Variants in PCTP observed in about 807,000 individuals in gnomAD.
The protein encoded by PCTP is phosphatidylcholine transfer protein, also known as START domain-containing protein 2.
PCTP carries 27 observed loss-of-function variants against 31.0 expected under a neutral mutation model. The ratio of observed to expected loss-of-function variants is 0.87; its 90% CI spans 0.64 to 1.20. The LOEUF (loss-of-function observed/expected upper bound fraction) is 1.20. Ranked by LOEUF, PCTP falls within the 50% of genes most tolerant of loss-of-function variation. The pLI is 0.00. For synonymous variants in PCTP, 108 were observed against 101.2 expected, an observed-to-expected ratio of 1.07 and a Z score of -0.40; for missense variants, 287 against 268.2, an observed-to-expected ratio of 1.07 and a Z score of -0.49.
intron 5 of PCTP, among the ~76,000 whole-genome samples, chr17:55,832,325 A>G (rs948174039): frequency 1.3e-5 from 2 of 152,184 alleles, no homozygotes; most frequent in African/African-American, 4.8e-5. Flanking sequence ...TATTTTTACT[A>G]TTTTAATGTC....
chr17:55,759,048 A>G (rs1027277381), intron 1 of PCTP, among the ~76,000 whole-genome samples: 1 of 152,210 alleles, frequency 6.6e-6, no homozygotes, highest in African/African-American at 2.4e-5. Context: ...GGAAGGGTAT[A>G]GGCATTCTGA....
rs1035616260 is a variant in PCTP at position 55,776,768 on chromosome 17, G to A, written c.*668G>A. ...TTGGAGAAGTATCAGAGGCCTGACC[G>A]GACACATAATATGACAACCACATTT... On this transcript the variant is annotated 3_prime_UTR_variant, in exon 6 of 6. Coordinates refer to ENST00000268896, the MANE Select transcript of PCTP (RefSeq NM_021213.4). 3.5e-6 allele frequency: 4 copies of A among 1,132,908 alleles called. No individual in the cohort carries two copies. The highest frequency in any genetic ancestry group is 4.3e-6 in the Non-Finnish European group (4 of 925,576). The allele number at this position is 1,132,908 out of a possible 1,614,324, so 70.2% of individuals were successfully genotyped here.
At chr17:55,793,436 C>T (rs1160640144) in intron 3 of PCTP, among the ~76,000 whole-genome samples, 1 of 152,104 alleles carries the variant, frequency 6.6e-6, no homozygotes, top group African/African-American at 2.4e-5. Context: ...ACTTAACACA[C>T]TCTTCAAATC....
chr17:55,784,598 A>G (rs964494919), intron 2 of PCTP, among the ~76,000 whole-genome samples: 1 of 152,226 alleles, frequency 6.6e-6, no homozygotes, highest in South Asian at 2.1e-4. Flanking sequence ...CCAGTAAAAT[A>G]AAATATTTTT....
intron 3 of PCTP, among the ~76,000 whole-genome samples, chr17:55,815,016 C>T (rs1448104927): frequency 6.6e-6 from 1 of 152,122 alleles, no homozygotes; most frequent in East Asian, 1.9e-4. Flanking sequence ...AGAAAAGAGG[C>T]CCACACTTAC....
chr17:55,825,032 G>A (rs148434345), downstream of PCTP, among the ~76,000 whole-genome samples: 674 of 152,272 alleles, frequency 4.4e-3, 8 homozygotes, highest in African/African-American at 0.015. Flanking sequence ...TGGCTCTTAC[G>A]TTAAGAAGAG....
At chr17:55,788,102 G>A (rs1056297054) in intron 3 of PCTP, among the ~76,000 whole-genome samples, 5 of 151,966 alleles carry the variant, frequency 3.3e-5, no homozygotes, top group African/African-American at 4.8e-5. Context: ...CCTCTCTTCC[G>A]AATTTTATAT....
rs12600460 is a variant in PCTP, at chr17:55,762,871, G to A, written c.142-4464G>A. Among the ~76,000 whole-genome samples the A allele has an allele frequency of 3.8e-3, 586 of 152,298 alleles. 30 individuals are homozygous for A. In the East Asian group the frequency reaches 0.1, roughly 27 times the overall value. On this transcript the variant is annotated intron_variant, in intron 1 of 5. Coordinates refer to ENST00000268896, the MANE Select transcript of PCTP (RefSeq NM_021213.4). ...GGTTCTCTTAATAAGGAGAAGGAGT[G>A]TTTACCACATCAAGTCTTATGTTTC...
downstream of PCTP, among the ~76,000 whole-genome samples, chr17:55,843,334 T>G (rs1906044719): frequency 6.6e-6 from 1 of 152,158 alleles, no homozygotes; most frequent in African/African-American, 2.4e-5. Flanking sequence ...GCCTCACACT[T>G]CTTTTAGGAT....
downstream of PCTP, among the ~76,000 whole-genome samples, chr17:55,781,596 A>G (rs1911565995): frequency 6.6e-6 from 1 of 152,194 alleles, no homozygotes; most frequent in Non-Finnish European, 1.5e-5. Flanking sequence ...AATTCATACC[A>G]CTAACTAAAA....
chr17:55,832,892 G>T (rs1194855754), intron 5 of PCTP, among the ~76,000 whole-genome samples: 1 of 152,174 alleles, frequency 6.6e-6, no homozygotes, highest in Non-Finnish European at 1.5e-5. Context: ...GCTCTAAATG[G>T]TTGCAAAAAC....
At chr17:55,837,006 C>T (rs540700250) in intron 5 of PCTP, among the ~76,000 whole-genome samples, 2 of 152,198 alleles carry the variant, frequency 1.3e-5, no homozygotes, top group South Asian at 4.2e-4. Context: ...GGAGGAGTAG[C>T]AGGACTAGTC....
At chr17:55,787,036 T>C (rs1033161136) in intron 2 of PCTP, among the ~76,000 whole-genome samples, 22 of 151,992 alleles carry the variant, frequency 1.4e-4, no homozygotes, top group Admixed American at 1.4e-3. Flanking sequence ...CATGTGTGTG[T>C]GTGTGTGTGT....
At chr17:55,842,065 C>T (rs1906001106) in intron 5 of PCTP, among the ~76,000 whole-genome samples, 1 of 152,158 alleles carries the variant, frequency 6.6e-6, no homozygotes, top group African/African-American at 2.4e-5. Flanking sequence ...CTCTCATATA[C>T]TCTTAAAATA....
downstream of PCTP, among the ~76,000 whole-genome samples, chr17:55,778,681 C>T (rs1297721828): frequency 5.3e-5 from 8 of 152,120 alleles, no homozygotes; most frequent in African/African-American, 1.9e-4. Flanking sequence ...AAGGTCCTCT[C>T]TCTGTTAAGG....
rs1911391816 is a variant in PCTP at position 55,777,366 on chromosome 17, T to C, written c.*1266T>C. ...TGTTCTATAATGAATAAATATAGAG[T>C]GGTTTTTACTTGTCCTGTGTACCAC... is the stretch of plus-strand genomic sequence containing the variant. On this transcript the variant is annotated 3_prime_UTR_variant, in exon 6 of 6. Transcript: ENST00000268896. 1.0e-6 allele frequency: 1 copy of C among 984,578 alleles called. No homozygotes were observed. The highest frequency in any genetic ancestry group is 1.7e-5 in the African/African-American group (1 of 57,224). 61.0% of individuals were successfully genotyped at this position (984,578 alleles called of 1,614,324 possible).
At chr17:55,790,356 G>T (rs548266537) in intron 3 of PCTP, among the ~76,000 whole-genome samples, 3 of 152,108 alleles carry the variant, frequency 2.0e-5, no homozygotes, top group Non-Finnish European at 4.4e-5. Context: ...AAAAGCAGAA[G>T]TCAAATTGTC....
At chr17:55,759,189 A>G (rs1465207876) in intron 1 of PCTP, among the ~76,000 whole-genome samples, 1 of 152,216 alleles carries the variant, frequency 6.6e-6, no homozygotes, top group Non-Finnish European at 1.5e-5. Flanking sequence ...TTTAAGCCTC[A>G]GTTTTCCTGT....
chr17:55,819,866 TC>T (rs1443738460), intron 3 of PCTP, among the ~76,000 whole-genome samples: 1 of 152,188 alleles, frequency 6.6e-6, no homozygotes, highest in African/African-American at 2.4e-5. Flanking sequence ...ATAAACCCTC[TC>T]AATTACAATA....
Sources: allele counts gnomAD v4.1 joint callset (sites outside exome capture counted in the v4.1 genomes callset), GRCh38; gene constraint gnomAD v4.1.1; transcripts MANE v1.5; gene names NCBI Gene and HGNC (gene_info 2026-07-23, HGNC 2026-07-21).